Variants in PLA2G3 observed in about 807,000 individuals in gnomAD.
The protein encoded by PLA2G3 is phospholipase A2 group III.
A neutral mutation model predicts 51.3 loss-of-function variants in PLA2G3; 39 were observed. The ratio of observed to expected loss-of-function variants is 0.76; its 90% confidence interval spans 0.59 to 0.99. PLA2G3 has a LOEUF of 0.99. Among genes scored for constraint, PLA2G3 ranks in the 50% least tolerant of loss-of-function variants. The pLI is 0.00. For missense variants in PLA2G3, 677 were observed against 662.1 expected (o/e 1.02, Z -0.25); for synonymous variants, 293 against 263.1 (o/e 1.11, Z -1.10).
chr22:31,136,210 C>T (rs554947730), intron 6 of PLA2G3, among the ~76,000 whole-genome samples: 2 of 152,256 alleles, frequency 1.3e-5, no homozygotes, highest in South Asian at 2.1e-4. Context: ...CTTTGAGAAT[C>T]GGAATCCAGA....
chr22:31,136,654 C>G, intron 6 of PLA2G3, 29 bp downstream of exon 6: 1 of 1,578,720 alleles, frequency 6.3e-7, no homozygotes, highest in Non-Finnish European at 8.7e-7. Flanking sequence ...AGAAAACCCC[C>G]CATCCCTCCT....
At chr22:31,136,868 A>T (rs1453567545) in intron 5 of PLA2G3, 40 bp downstream of exon 5, 1 of 1,601,714 alleles carries the variant, frequency 6.2e-7, no homozygotes. Flanking sequence ...CATGCCTGGC[A>T]GCAGGCAGCC....
chr22:31,136,610 G>T, intron 6 of PLA2G3, 73 bp downstream of exon 6: 2 of 1,185,002 alleles, frequency 1.7e-6, no homozygotes, highest in Non-Finnish European at 2.5e-6. Context: ...CTTGGCCCAA[G>T]CATTCAAAGT....
intron 1 of PLA2G3, 72 bp from the exon 2 acceptor site, chr22:31,138,871 T>G: frequency 6.6e-7 from 1 of 1,526,198 alleles, no homozygotes; most frequent in Non-Finnish European, 9.0e-7. Context: ...TATGCCCCCC[T>G]GGTAGGAAGA....
At chr22:31,139,368 C>T (rs1726342435) in intron 1 of PLA2G3, among the ~76,000 whole-genome samples, 1 of 152,228 alleles carries the variant, frequency 6.6e-6, no homozygotes, top group Admixed American at 6.5e-5. Context: ...TTCCCACATC[C>T]AGGTTCACAG....
At position 31,135,772 on chromosome 22, in the gene PLA2G3, G is replaced by C; in HGVS notation, c.1481C>G (p.Thr494Ser). 1 of 1,614,026 alleles carries C rather than the reference G, an allele frequency of 6.2e-7. No homozygotes were observed. Among genetic ancestry groups the C allele is most frequent in the East Asian group, 2.2e-5 (1 of 44,878 alleles). The change falls in exon 7 of 7, where the codon ACC (threonine) becomes AGC (serine). Residue 494 changes from threonine (T) to serine (S), a missense_variant. Physicochemically the swap from Thr to Ser is moderately conservative, Grantham distance 58 (BLOSUM62 1). Coordinates refer to ENST00000215885, the MANE Select transcript of PLA2G3 (RefSeq NM_015715.5). ...CCTGTCGGGTCTCCTGGCTGCCTGGGTTAGCTGCAGGCACTGGTTGTAGAA... is the reference window on the plus strand; with the variant it reads ...CCTGTCGGGTCTCCTGGCTGCCTGGCTTAGCTGCAGGCACTGGTTGTAGAA... ...MSFYNQCLQLTQAARRPDRQQ... is the reference protein window; with the variant it reads ...MSFYNQCLQLSQAARRPDRQQ...
chr22:31,137,534 T>C (rs1922646257), intron 4 of PLA2G3, among the ~76,000 whole-genome samples, 176 bp downstream of exon 4: 1 of 152,150 alleles, frequency 6.6e-6, no homozygotes, highest in African/African-American at 2.4e-5. Flanking sequence ...TGGGGCCTGA[T>C]GTGGTCAAAT....
intron 1 of PLA2G3, among the ~76,000 whole-genome samples, 172 bp from the exon 2 acceptor site, chr22:31,138,971 G>A (rs1922749168): frequency 6.6e-6 from 1 of 152,162 alleles, no homozygotes; most frequent in Non-Finnish European, 1.5e-5. Context: ...GACTCTCAGA[G>A]TTTCAAAGCT....
At position 31,140,254 on chromosome 22, in the gene PLA2G3, G is replaced by C. The variant is rs1265811649; in HGVS notation, c.101C>G (p.Thr34Ser). The change falls in exon 1 of 7, where the codon ACC (threonine) becomes AGC (serine). Residue 34 changes from threonine (T) to serine (S), a missense_variant. Physicochemically the swap from Thr to Ser is moderately conservative, Grantham distance 58. Transcript: ENST00000215885. ...LRWYRTSCHLTKAVPGNPLGY... is the reference protein window; with the variant it reads ...LRWYRTSCHLSKAVPGNPLGY... ...CAGTGGGTTGCCAGGGACGGCCTTGGTCAAGTGGCAGGAGGTCCTGTACCA... is the reference window on the plus strand; with the variant it reads ...CAGTGGGTTGCCAGGGACGGCCTTGCTCAAGTGGCAGGAGGTCCTGTACCA... 1.2e-6 allele frequency: 2 copies of C among 1,612,394 alleles called. No individual in the cohort carries two copies. Among genetic ancestry groups the C allele is most frequent in the Non-Finnish European group, 1.7e-6 (2 of 1,180,008 alleles).
intron 4 of PLA2G3, 111 bp from the exon 5 acceptor site, chr22:31,137,151 T>G: frequency 4.7e-6 from 5 of 1,070,842 alleles, no homozygotes; most frequent in Non-Finnish European, 6.6e-6. Context: ...CACACACAGA[T>G]TCCCTCCATT....
At chr22:31,138,189 C>G in intron 3 of PLA2G3, 87 bp downstream of exon 3, 1 of 1,497,666 alleles carries the variant, frequency 6.7e-7, no homozygotes, top group Non-Finnish European at 9.1e-7. Flanking sequence ...CCCTGGAAGA[C>G]AGACAGACAG....
chr22:31,138,291 C>T lies in PLA2G3; in HGVS notation c.767G>A (p.Trp256Ter). 1.9e-6 allele frequency: 3 copies of T among 1,613,786 alleles called. No individual in the cohort carries two copies. In the African/African-American group the frequency reaches 4.0e-5, roughly 22 times the overall value. The change falls in exon 3 of 7, where the codon TGG (tryptophan) becomes TAG (stop). Residue 256 changes from tryptophan (W) to a stop codon, truncating the protein, a stop_gained. Coordinates refer to ENST00000215885, the MANE Select transcript of PLA2G3 (RefSeq NM_015715.5). LOFTEE classifies it high-confidence loss of function. Reference sequence around the variant, plus strand: ...GGCCACGTACCCGCCCCACCAGTACCACGCCACACACGCCTCCTGCTCCTC... The same window carrying T: ...GGCCACGTACCCGCCCCACCAGTACTACGCCACACACGCCTCCTGCTCCTC... ...VLEEQEACVA[W>*]YWWGGCRMYG...
chr22:31,135,694 G>A lies in PLA2G3; in HGVS notation c.*29C>T, dbSNP rs754630773. ...TGGCATAGCCATGGGCAAGGTCCAG[G>A]CTGGTGCCCAGGAAAGCTGAAACTG... is the stretch of plus-strand genomic sequence containing the variant. On this transcript the variant is annotated 3_prime_UTR_variant, in exon 7 of 7. Transcript: ENST00000215885. 2.5e-6 allele frequency: 4 copies of A among 1,573,004 alleles called. No homozygotes were observed. Among genetic ancestry groups the A allele is most frequent in the African/African-American group, 1.3e-5 (1 of 74,256 alleles).
chr22:31,136,704 A>C lies in PLA2G3; in HGVS notation c.1295T>G (p.Leu432Arg). The C allele has an allele frequency of 6.2e-7, 1 of 1,613,218 alleles. No individual in the cohort carries two copies. ...TTACTTTTTGCCTTCCACACAGTCC[A>C]GTGGAGGGGCCAGCTTGAAGCAGGT... ...GTTCFKLAPP[L>R]DCVEGKNCSR... is the part of the protein sequence containing the mutation. Residue 432 changes from leucine to arginine, a missense_variant, in exon 6 of 7, where the codon CTG becomes CGG. Coordinates refer to ENST00000215885, the MANE Select transcript of PLA2G3 (RefSeq NM_015715.5).
chr22:31,137,930 G>C lies in PLA2G3; in HGVS notation c.846C>G (p.Ser282=), dbSNP rs1275347554. The C allele has an allele frequency of 6.2e-7, 1 of 1,612,030 alleles. No homozygotes were observed. Among genetic ancestry groups the C allele is most frequent in the African/African-American group, 1.3e-5 (1 of 74,998 alleles). Residue 282 remains serine (S), a synonymous_variant, in exon 4 of 7, where the codon TCC becomes TCG. Transcript: ENST00000215885. ...TTGGGGAGGTGGCCCGGGAGCTCCA[G>C]GAGGCATTGTAGAAGGTCCTGGGCT... ...RLQPRTFYNA[S]WSSRATSPTP...
intron 6 of PLA2G3, 129 bp from the exon 7 acceptor site, chr22:31,136,065 T>G (rs1305848517): frequency 4.1e-6 from 3 of 724,690 alleles, no homozygotes; most frequent in Non-Finnish European, 6.8e-6. Context: ...CAGAGAGGGG[T>G]GGGTTTCACG....
chr22:31,138,224 A>C, intron 3 of PLA2G3, 52 bp downstream of exon 3: 1 of 1,596,544 alleles, frequency 6.3e-7, no homozygotes, highest in Non-Finnish European at 8.6e-7. Flanking sequence ...CCAGGCTTGG[A>C]GCCTGGGCTC....
Position 31,137,945 on chromosome 22 carries a change from G to A in PLA2G3, c.831C>T (p.Thr277=). The stretch of plus-strand genomic sequence containing the variant: ...GGGAGCTCCAGGAGGCATTGTAGAA[G>A]GTCCTGGGCTGCAGGCGAGCGAGGG... ...TVPLARLQPR[T]FYNASWSSRA... The change falls in exon 4 of 7, where the codon ACC becomes ACT. Residue 277 remains threonine, a synonymous_variant. Transcript: ENST00000215885. 4.4e-6 allele frequency: 7 copies of A among 1,605,680 alleles called. No individual in the cohort carries two copies. The highest frequency in any genetic ancestry group is 6.0e-6 in the Non-Finnish European group (7 of 1,176,396).
intron 6 of PLA2G3, 100 bp downstream of exon 6, chr22:31,136,583 G>A (rs977879729): frequency 4.3e-6 from 4 of 924,576 alleles, no homozygotes; most frequent in South Asian, 4.2e-5. Context: ...GAGGTCTCCG[G>A]ATCCCTTCCC....
Sources: allele counts gnomAD v4.1 joint callset (sites outside exome capture counted in the v4.1 genomes callset), GRCh38; gene constraint gnomAD v4.1.1; transcripts MANE v1.5; gene names NCBI Gene and HGNC (gene_info 2026-07-23, HGNC 2026-07-21).